UNC5C: variants seen among roughly 807,000 people sequenced by gnomAD.
UNC5C encodes netrin receptor UNC5C.
UNC5C carries 47 observed loss-of-function variants against 99.8 expected under a neutral mutation model. The ratio of observed to expected loss-of-function variants is 0.47; its 90% confidence interval spans 0.37 to 0.60. UNC5C has a LOEUF of 0.60. Ranked by LOEUF, UNC5C falls within the 20% of genes least tolerant of loss-of-function variation. The probability of loss-of-function intolerance (pLI) is 0.00; values close to 1 mark genes in which losing one functional copy is unlikely to be tolerated. For synonymous variants in UNC5C, 487 were observed against 452.2 expected (o/e 1.08, Z -0.98); for missense variants, 1,062 against 1,165.9 (o/e 0.91, Z 1.30).
chr4:95,253,783 C>T (rs1302392685), intron 4 of UNC5C, among the ~76,000 whole-genome samples: 3 of 152,152 alleles, frequency 2.0e-5, no homozygotes, highest in African/African-American at 7.2e-5. Flanking sequence ...TTGAGACAAT[C>T]ATCTCCATGA....
chr4:95,262,723 A>G (rs1008663908), intron 4 of UNC5C, among the ~76,000 whole-genome samples: 14 of 152,200 alleles, frequency 9.2e-5, no homozygotes, highest in Admixed American at 2.0e-4. Context: ...GGAAATTTTT[A>G]TGCCTAAAAT....
At chr4:95,197,491 C>CCT (rs1403286559) in intron 12 of UNC5C, among the ~76,000 whole-genome samples, 1 of 152,060 alleles carries the variant, frequency 6.6e-6, no homozygotes, top group Non-Finnish European at 1.5e-5. Flanking sequence ...AAGCAGAGAT[C>CCT]CTTTTCATCA....
chr4:95,362,320 T>C (rs2149435336), intron 1 of UNC5C, among the ~76,000 whole-genome samples: 1 of 152,196 alleles, frequency 6.6e-6, no homozygotes, highest in African/African-American at 2.4e-5. Context: ...CCCAAGGCAG[T>C]GTAATTACAA....
intron 13 of UNC5C, 124 bp downstream of exon 13, chr4:95,184,923 A>G (rs1736769949): frequency 2.6e-6 from 3 of 1,140,448 alleles, no homozygotes; most frequent in East Asian, 5.4e-5. Flanking sequence ...ACCCCAAACT[A>G]TTTTGGAGAA....
chr4:95,299,572 T>C (rs1359346345), intron 3 of UNC5C, among the ~76,000 whole-genome samples: 1 of 152,040 alleles, frequency 6.6e-6, no homozygotes, highest in Non-Finnish European at 1.5e-5. Context: ...ATGCCCCAGA[T>C]TGGGTAATTT....
chr4:95,515,360 G>T (rs566341933), intron 1 of UNC5C, among the ~76,000 whole-genome samples: 15 of 152,208 alleles, frequency 9.9e-5, no homozygotes, highest in Admixed American at 3.3e-4. Context: ...GAATGTTAAG[G>T]GTTTGCCCAA....
chr4:95,250,181 C>T (rs1306975439), intron 5 of UNC5C, among the ~76,000 whole-genome samples: 1 of 151,988 alleles, frequency 6.6e-6, no homozygotes, highest in Admixed American at 6.6e-5. Context: ...AACCTCATTG[C>T]CCCTGTGAAA....
intron 1 of UNC5C, among the ~76,000 whole-genome samples, chr4:95,340,989 T>C (rs1743549877): frequency 6.6e-6 from 1 of 152,052 alleles, no homozygotes. Context: ...CCAAATTAGC[T>C]AAAAAATACT....
chr4:95,464,016 T>A (rs940167133), intron 1 of UNC5C, among the ~76,000 whole-genome samples: 2 of 152,144 alleles, frequency 1.3e-5, no homozygotes, highest in African/African-American at 4.8e-5. Flanking sequence ...AAGTGCAAAA[T>A]GAAATACAAC....
chr4:95,410,648 T>G (rs1222118460), intron 1 of UNC5C, among the ~76,000 whole-genome samples: 1 of 152,116 alleles, frequency 6.6e-6, no homozygotes, highest in Non-Finnish European at 1.5e-5. Context: ...GGATGCAGCG[T>G]TTAGCTAGAA....
At chr4:95,524,168 G>A (rs1417817225) in intron 1 of UNC5C, among the ~76,000 whole-genome samples, 1 of 152,138 alleles carries the variant, frequency 6.6e-6, no homozygotes, top group African/African-American at 2.4e-5. Context: ...TGAAGCATCA[G>A]GAAGGCTAAG....
At chr4:95,381,328 G>T (rs569121514) in intron 1 of UNC5C, among the ~76,000 whole-genome samples, 3 of 152,156 alleles carry the variant, frequency 2.0e-5, no homozygotes, top group South Asian at 4.1e-4. Flanking sequence ...ATGAATGTAC[G>T]GAATGGCCTG....
chr4:95,303,414 G>A (rs937836669), intron 2 of UNC5C, among the ~76,000 whole-genome samples: 2 of 152,194 alleles, frequency 1.3e-5, no homozygotes, highest in South Asian at 2.1e-4. Context: ...TGTGGCTCAC[G>A]CCTGTAATCC....
At chr4:95,348,375 ATAGAAC>A (rs1162984946) in intron 1 of UNC5C, among the ~76,000 whole-genome samples, 1 of 151,734 alleles carries the variant, frequency 6.6e-6, no homozygotes, top group African/African-American at 2.4e-5. Flanking sequence ...AAAACTAAAA[ATAGAAC>A]TACCATGCAA....
At chr4:95,521,396 T>G (rs1722353931) in intron 1 of UNC5C, among the ~76,000 whole-genome samples, 1 of 151,888 alleles carries the variant, frequency 6.6e-6, no homozygotes, top group African/African-American at 2.4e-5. Flanking sequence ...TTTTGTATTT[T>G]TAGTAGAGAC....
At chr4:95,318,016 T>A (rs558787917) in intron 2 of UNC5C, among the ~76,000 whole-genome samples, 1 of 152,144 alleles carries the variant, frequency 6.6e-6, no homozygotes, top group Admixed American at 6.5e-5. Context: ...GACAAAAAGG[T>A]CTTTGCAGAA....
intron 1 of UNC5C, among the ~76,000 whole-genome samples, chr4:95,457,663 C>T (rs974336446): frequency 1.3e-5 from 2 of 151,998 alleles, no homozygotes; most frequent in African/African-American, 4.8e-5. Flanking sequence ...AATCCTCAGT[C>T]ACAGATCTTG....
chr4:95,396,692 C>T (rs1007070419), intron 1 of UNC5C, among the ~76,000 whole-genome samples: 1 of 152,092 alleles, frequency 6.6e-6, no homozygotes, highest in African/African-American at 2.4e-5. Context: ...TTTCCAAGCC[C>T]ACCCGTGGAC....
chr4:95,185,061 G>A lies in UNC5C; in HGVS notation c.2272C>T (p.Leu758=), dbSNP rs1736776055. 5 of 1,611,396 alleles carry A rather than the reference G, an allele frequency of 3.1e-6. No homozygotes were observed. The South Asian group carries it at 5.5e-5, about 18-fold the overall frequency. The change falls in exon 13 of 16, where the codon CTG becomes TTG. Residue 758 remains leucine (L), a synonymous_variant. Transcript: ENST00000453304. ...IAHSLWKSKL[L]AKYQEIPFYH... ...GGGAACCTTACCTGATATTTAGCCA[G>A]CAATTTGCTCTTCCAGAGGGAATGG...
Sources: gnomAD v4.1 joint callset for allele counts (sites outside exome capture counted in the v4.1 genomes callset) on GRCh38, gnomAD v4.1.1 for gene constraint, MANE v1.5 for transcripts, NCBI Gene and HGNC (gene_info 2026-07-23, HGNC 2026-07-21) for gene names.